Variants in L3MBTL3 observed in about 807,000 individuals in gnomAD.
L3MBTL3 encodes the protein L3MBTL histone methyl-lysine binding protein 3.
L3MBTL3 carries 27 observed loss-of-function variants against 102.3 expected under a neutral mutation model. That is an observed-to-expected ratio of 0.26 (90% confidence interval 0.19 to 0.36). L3MBTL3 has a LOEUF of 0.36. Among genes scored for constraint, L3MBTL3 ranks in the 10% least tolerant of loss-of-function variants. The pLI, the probability that L3MBTL3 is intolerant of heterozygous loss-of-function variation, is 1.00. For missense variants in L3MBTL3, 798 were observed against 955.3 expected (o/e 0.84, Z 2.17); for synonymous variants, 340 against 320.9 (o/e 1.06, Z -0.64).
At chr6:130,042,950 G>A (rs1317786177) in intron 3 of L3MBTL3, 149 bp downstream of exon 3, 2 of 533,420 alleles carry the variant, frequency 3.7e-6, no homozygotes, top group Non-Finnish European at 6.7e-6. Flanking sequence ...CAATAAATTT[G>A]CAAGACAATT....
chr6:130,027,681 T>C (rs1233910299), intron 2 of L3MBTL3, among the ~76,000 whole-genome samples: 1 of 152,216 alleles, frequency 6.6e-6, no homozygotes, highest in Non-Finnish European at 1.5e-5. Flanking sequence ...CTTAGCTTTA[T>C]GTTCTATAAA....
Position 130,051,257 on chromosome 6 carries a change from G to C in L3MBTL3, c.298G>C (p.Glu100Gln). The change falls in exon 6 of 23, where the codon GAG becomes CAG. Residue 100 changes from glutamate (E) to glutamine (Q), a missense_variant. By Grantham distance (29) the Glu-to-Gln change is conservative. This residue lies in a region of L3MBTL3 where 434 missense variants were observed against 506.6 expected (regional missense o/e 0.86). Coordinates refer to ENST00000361794, the MANE Select transcript of L3MBTL3 (RefSeq NM_032438.4). ...TTCTTTTCATCTTCTAGTCTTTTCA[G>C]AGAAGACTGGGATGCCTTTCAGGTT... The part of the protein sequence containing the change: ...SPPGCPTVFS[E>Q]KTGMPFRLKD... 6.2e-7 allele frequency: 1 copy of C among 1,611,526 alleles called. No homozygotes were observed. Among genetic ancestry groups the C allele is most frequent in the Non-Finnish European group, 8.5e-7 (1 of 1,178,590 alleles).
At chr6:130,042,647 T>G in intron 2 of L3MBTL3, 38 bp from the exon 3 acceptor site, 1 of 1,183,454 alleles carries the variant, frequency 8.4e-7, no homozygotes. Flanking sequence ...GATTTCCATG[T>G]GGAATATTTA....
At chr6:130,123,207 C>G (rs549993591) in intron 20 of L3MBTL3, among the ~76,000 whole-genome samples, 4 of 152,004 alleles carry the variant, frequency 2.6e-5, no homozygotes, top group Non-Finnish European at 2.9e-5. Context: ...ATGGTATTCT[C>G]TTCTTTATTT....
intron 7 of L3MBTL3, among the ~76,000 whole-genome samples, chr6:130,054,542 A>G (rs1321939516): frequency 6.6e-6 from 1 of 152,196 alleles, no homozygotes; most frequent in Admixed American, 6.5e-5. Flanking sequence ...TGTGAGGAAA[A>G]GAGAAAAATC....
intron 11 of L3MBTL3, among the ~76,000 whole-genome samples, chr6:130,067,099 C>G (rs1782308273): frequency 6.6e-6 from 1 of 152,156 alleles, no homozygotes. Context: ...GTCTTTTTCA[C>G]TGTCTGCCTA....
intron 3 of L3MBTL3, among the ~76,000 whole-genome samples, chr6:130,047,073 G>A (rs139157800): frequency 1.6e-3 from 245 of 152,226 alleles, no homozygotes; most frequent in African/African-American, 5.1e-3. Flanking sequence ...TAATTTTTGA[G>A]ATAAGCAACT....
chr6:130,049,438 T>A, intron 4 of L3MBTL3, 45 bp downstream of exon 4: 3 of 1,260,726 alleles, frequency 2.4e-6, no homozygotes, highest in Non-Finnish European at 3.4e-6. Flanking sequence ...TTTGAAAGAT[T>A]TGAAATAAGA....
intron 13 of L3MBTL3, among the ~76,000 whole-genome samples, chr6:130,076,246 G>C (rs955184535): frequency 6.6e-6 from 1 of 152,184 alleles, no homozygotes; most frequent in Non-Finnish European, 1.5e-5. Context: ...TTTTCCATAA[G>C]TAAGCATCTT....
rs572436905 is a variant in L3MBTL3 at position 130,117,979 on chromosome 6, G to A, written c.1887-2900G>A. Among the ~76,000 whole-genome samples, 90 of 136,708 alleles carry A rather than the reference G, an allele frequency of 6.6e-4. No homozygotes were observed. In the South Asian group the frequency reaches 8.3e-3, roughly 13 times the overall value. The allele number at this position is 136,708 out of a possible 152,430, so 89.7% of individuals were successfully genotyped here. A position where few individuals can be genotyped will look rare whatever the true frequency, so the allele number is the denominator to read the frequency against. On this transcript the variant is annotated intron_variant, in intron 19 of 22. Transcript: ENST00000361794. ...TCCCGCCTCAGTCTCCCAAAGTGTT[G>A]TTATTAGAAGCATGAGCCACTGTGC...
chr6:130,044,315 T>C (rs1294476572), intron 3 of L3MBTL3, among the ~76,000 whole-genome samples: 1 of 152,224 alleles, frequency 6.6e-6, no homozygotes, highest in African/African-American at 2.4e-5. Context: ...CTTTGTGACT[T>C]ACTATGTACA....
intron 18 of L3MBTL3, among the ~76,000 whole-genome samples, chr6:130,102,977 G>C (rs1459115843): frequency 2.0e-5 from 3 of 152,196 alleles, no homozygotes; most frequent in Non-Finnish European, 4.4e-5. Flanking sequence ...ATTGTCCACT[G>C]AGTTTCCAAT....
intron 2 of L3MBTL3, among the ~76,000 whole-genome samples, chr6:130,027,155 A>G (rs1779407362): frequency 6.6e-6 from 1 of 152,144 alleles, no homozygotes; most frequent in Non-Finnish European, 1.5e-5. Context: ...TCTCTGTTAT[A>G]TGAGTTACGG....
At chr6:130,136,446 A>G (rs908093745) in intron 22 of L3MBTL3, among the ~76,000 whole-genome samples, 10 of 152,196 alleles carry the variant, frequency 6.6e-5, no homozygotes, top group Admixed American at 3.9e-4. Flanking sequence ...CCTTCTGCAC[A>G]GAACACTCTT....
chr6:130,118,218 C>A lies in L3MBTL3; in HGVS notation c.1887-2661C>A, dbSNP rs576536150. ...TGAATCCAATTGCAGATTTTGGTGT[C>A]AAGAAGAACGGGTGCTATACTCGCC... On this transcript the variant is annotated intron_variant, in intron 19 of 22. Transcript: ENST00000361794. 1.4e-4 allele frequency among the ~76,000 whole-genome samples: 21 copies of A among 152,194 alleles called. No individual in the cohort carries two copies. The South Asian group carries it at 4.2e-3, about 30-fold the overall frequency.
At chr6:130,116,752 TA>T (rs1004191425) in intron 19 of L3MBTL3, among the ~76,000 whole-genome samples, 64 of 146,052 alleles carry the variant, frequency 4.4e-4, no homozygotes, top group Non-Finnish European at 5.3e-4. Context: ...ATCTATCTCT[TA>T]AAAAAAAAAA....
intron 11 of L3MBTL3, among the ~76,000 whole-genome samples, chr6:130,066,719 A>G (rs1000203675): frequency 1.3e-5 from 2 of 152,238 alleles, no homozygotes; most frequent in African/African-American, 2.4e-5. Context: ...TAACATTTGC[A>G]TGATACTCAA....
intron 19 of L3MBTL3, among the ~76,000 whole-genome samples, chr6:130,112,050 C>T (rs1459871749): frequency 6.6e-6 from 1 of 152,200 alleles, no homozygotes; most frequent in African/African-American, 2.4e-5. Context: ...CATCTCCTAG[C>T]TAATCTCTCA....
chr6:130,128,201 G>GT (rs1562338200), intron 20 of L3MBTL3, among the ~76,000 whole-genome samples: 9 of 151,594 alleles, frequency 5.9e-5, no homozygotes, highest in East Asian at 1.9e-4. Context: ...GGGTTAGGGG[G>GT]GTGTGTGTGT....
Sources: allele counts gnomAD v4.1 joint callset (sites outside exome capture counted in the v4.1 genomes callset), GRCh38; gene constraint gnomAD v4.1.1; regional missense constraint gnomAD v4.1.1; transcripts MANE v1.5; gene names NCBI Gene and HGNC (gene_info 2026-07-23, HGNC 2026-07-21).